The following PDE3A variants were observed in gnomAD, a reference collection of about 807,000 sequenced individuals.
The protein encoded by PDE3A is cGMP-inhibited 3',5'-cyclic phosphodiesterase 3A.
Under a neutral mutation model 98.3 loss-of-function variants are expected in PDE3A, and 43 were observed. The observed-to-expected ratio is 0.44, with a 90% CI of 0.34 to 0.56. PDE3A has a LOEUF of 0.56. Ranked by LOEUF, PDE3A falls within the 20% of genes least tolerant of loss-of-function variation. The probability of loss-of-function intolerance (pLI) is 0.01; values close to 1 mark genes in which losing one functional copy is unlikely to be tolerated. For synonymous variants in PDE3A, 663 were observed against 567.9 expected, an observed-to-expected ratio of 1.17 and a Z score of -2.38; for missense variants, 1,427 against 1,440.7, an observed-to-expected ratio of 0.99 and a Z score of 0.15.
chr12:20,438,948 C>T (rs754649394), intron 1 of PDE3A, among the ~76,000 whole-genome samples: 7 of 152,034 alleles, frequency 4.6e-5, no homozygotes, highest in African/African-American at 9.6e-5. Context: ...CGTACCACCA[C>T]GCCTGGCTAA....
At chr12:20,455,101 T>A (rs1945132681) in intron 1 of PDE3A, among the ~76,000 whole-genome samples, 1 of 152,192 alleles carries the variant, frequency 6.6e-6, no homozygotes, top group African/African-American at 2.4e-5. Flanking sequence ...CGTTTCTTTT[T>A]CTCCACAGCC....
At chr12:20,488,123 T>C (rs1386979588) in intron 1 of PDE3A, among the ~76,000 whole-genome samples, 1 of 152,096 alleles carries the variant, frequency 6.6e-6, no homozygotes, top group Non-Finnish European at 1.5e-5. Flanking sequence ...TTGAGCTCTT[T>C]ACTCTTGGGG....
chr12:20,478,630 A>C (rs1945570261), intron 1 of PDE3A, among the ~76,000 whole-genome samples: 1 of 152,218 alleles, frequency 6.6e-6, no homozygotes, highest in African/African-American at 2.4e-5. Flanking sequence ...GTAAATGTTT[A>C]CTGTAAATGT....
At position 20,680,121 on chromosome 12, in the gene PDE3A, G is replaced by C; in HGVS notation, c.3276G>C (p.Glu1092Asp). The C allele has an allele frequency of 6.2e-7, 1 of 1,613,680 alleles. No homozygotes were observed. The highest frequency in any genetic ancestry group is 2.2e-5 in the East Asian group (1 of 44,870). The change falls in exon 16 of 16, where the codon GAG becomes GAC. Residue 1092 changes from glutamate (E) to aspartate (D), a missense_variant. Transcript: ENST00000359062. Reference protein sequence around the residue: ...NHKMWKKVIEEEQRLAGIENQ... With the variant: ...NHKMWKKVIEDEQRLAGIENQ... The stretch of plus-strand genomic sequence containing the variant: ...AGATGTGGAAGAAAGTCATTGAAGA[G>C]GAGCAACGGTTGGCAGGCATAGAAA...
chr12:20,518,284 G>C (rs1024809506), intron 1 of PDE3A, among the ~76,000 whole-genome samples: 1 of 151,992 alleles, frequency 6.6e-6, no homozygotes, highest in Non-Finnish European at 1.5e-5. Context: ...TAAAGACTAA[G>C]AATCAGTTCT....
intron 1 of PDE3A, among the ~76,000 whole-genome samples, chr12:20,373,201 T>G (rs1943509588): frequency 6.6e-6 from 1 of 152,076 alleles, no homozygotes; most frequent in South Asian, 2.1e-4. Context: ...CAACCCAGTG[T>G]CCGCAATACT....
intron 1 of PDE3A, among the ~76,000 whole-genome samples, chr12:20,515,555 T>G (rs1188560596): frequency 6.6e-6 from 1 of 152,172 alleles, no homozygotes; most frequent in Non-Finnish European, 1.5e-5. Context: ...ACTCAAACTT[T>G]AACTCTGGAA....
intron 2 of PDE3A, among the ~76,000 whole-genome samples, chr12:20,597,356 A>C (rs1019929222): frequency 1.3e-5 from 2 of 152,170 alleles, no homozygotes; most frequent in Non-Finnish European, 2.9e-5. Flanking sequence ...TTTCAAAGAT[A>C]AGACTTAGGT....
chr12:20,604,358 A>G (rs1262784984), intron 2 of PDE3A, among the ~76,000 whole-genome samples: 1 of 152,144 alleles, frequency 6.6e-6, no homozygotes, highest in African/African-American at 2.4e-5. Context: ...CTCATATAAT[A>G]AATATTTGAT....
At chr12:20,457,974 C>T (rs1591953196) in intron 1 of PDE3A, among the ~76,000 whole-genome samples, 1 of 152,042 alleles carries the variant, frequency 6.6e-6, no homozygotes. Context: ...CGTTTAGATA[C>T]TAACTTTACT....
At chr12:20,473,423 A>G (rs777793795) in intron 1 of PDE3A, among the ~76,000 whole-genome samples, 1 of 152,178 alleles carries the variant, frequency 6.6e-6, no homozygotes, top group African/African-American at 2.4e-5. Context: ...ACTGGATTGG[A>G]AGAGACAACT....
At chr12:20,527,800 G>A (rs1946551900) in intron 1 of PDE3A, among the ~76,000 whole-genome samples, 2 of 151,856 alleles carry the variant, frequency 1.3e-5, no homozygotes, top group Non-Finnish European at 1.5e-5. Flanking sequence ...CGATGCCAGG[G>A]GCAAAACTTT....
chr12:20,385,983 T>TAATATATATTTTATATATATATA (rs1943752825), intron 1 of PDE3A, among the ~76,000 whole-genome samples: 1 of 69,900 alleles, frequency 1.4e-5, no homozygotes, highest in South Asian at 4.3e-4. Flanking sequence ...TATTAATATA[T>TAATATATATTTTATATATATATA]AATATATATA....
intron 15 of PDE3A, among the ~76,000 whole-genome samples, chr12:20,674,792 TCTC>T (rs1252346822): frequency 6.6e-6 from 1 of 152,164 alleles, no homozygotes; most frequent in African/African-American, 2.4e-5. Flanking sequence ...AGTTATAATG[TCTC>T]CTTTTTCATT....
chr12:20,453,062 C>G (rs1487433038), intron 1 of PDE3A, among the ~76,000 whole-genome samples: 1 of 152,110 alleles, frequency 6.6e-6, no homozygotes, highest in African/African-American at 2.4e-5. Flanking sequence ...CTGCCTACAC[C>G]ACTGTTTTGA....
chr12:20,419,174 T>C (rs1008157264), intron 1 of PDE3A, among the ~76,000 whole-genome samples: 4 of 152,228 alleles, frequency 2.6e-5, no homozygotes, highest in Non-Finnish European at 5.9e-5. Flanking sequence ...GCAGTGATTT[T>C]TAAAGTGCCC....
At chr12:20,400,565 C>A (rs1231421532) in intron 1 of PDE3A, among the ~76,000 whole-genome samples, 1 of 151,916 alleles carries the variant, frequency 6.6e-6, no homozygotes, top group Non-Finnish European at 1.5e-5. Flanking sequence ...CGCCACTGCG[C>A]CCGTGACCGC....
At chr12:20,417,588 C>T (rs1160874598) in intron 1 of PDE3A, among the ~76,000 whole-genome samples, 1 of 152,164 alleles carries the variant, frequency 6.6e-6, no homozygotes, top group Admixed American at 6.5e-5. Context: ...GTGAGTTCAT[C>T]CACCCAGATC....
chr12:20,600,396 T>G (rs1172798420), intron 2 of PDE3A, among the ~76,000 whole-genome samples: 4 of 152,206 alleles, frequency 2.6e-5, no homozygotes, highest in African/African-American at 9.6e-5. Flanking sequence ...ATGATGCCAG[T>G]ATTCTACAGG....
Sources: allele counts gnomAD v4.1 joint callset (sites outside exome capture counted in the v4.1 genomes callset), GRCh38; gene constraint gnomAD v4.1.1; transcripts MANE v1.5; gene names NCBI Gene and HGNC (gene_info 2026-07-23, HGNC 2026-07-21).